The following HTT variants were observed in gnomAD, a reference collection of about 807,000 sequenced individuals.
HTT encodes the protein huntington disease protein.
A neutral mutation model predicts 362.3 loss-of-function variants in HTT; 104 were observed. The ratio of observed to expected loss-of-function variants is 0.29; its 90% CI spans 0.24 to 0.34. The LOEUF is 0.34. HTT is among the 10% of genes least tolerant of loss of function. HTT has a pLI of 1.00. For missense variants in HTT, 3,301 were observed against 3,928.6 expected (o/e 0.84, Z 4.27); for synonymous variants, 1,577 against 1,548.7 (o/e 1.02, Z -0.43).
At chr4:3,088,187 TG>T (rs1372539950) in intron 2 of HTT, among the ~76,000 whole-genome samples, 2 of 149,074 alleles carry the variant, frequency 1.3e-5, no homozygotes, top group Non-Finnish European at 3.0e-5. Context: ...TTTTCACTTT[TG>T]TTTTTTTTTT....
chr4:3,121,484 T>G (rs762373111), intron 9 of HTT, 52 bp downstream of exon 9: 3 of 1,235,608 alleles, frequency 2.4e-6, no homozygotes, highest in Non-Finnish European at 3.5e-6. Context: ...GTAATACTAG[T>G]TACACTCTAT....
At position 3,148,050 on chromosome 4, in the gene HTT, A is replaced by C. The variant is rs529839694; in HGVS notation, c.3341A>C (p.Glu1114Ala). Residue 1114 changes from glutamate (E) to alanine (A), a missense_variant, in exon 26 of 67, where the codon GAA becomes GCA. Glu to Ala is a moderately radical substitution (Grantham distance 107). Transcript: ENST00000355072. ...SLRSSWASEEEANPAATKQEE... is the reference protein window; with the variant it reads ...SLRSSWASEEAANPAATKQEE... ...AGAAGTTCATGGGCCTCTGAAGAAG[A>C]AGCCAACCCAGCAGCCACCAAGCAA... The C allele has an allele frequency of 5.3e-5, 86 of 1,614,110 alleles. No homozygotes were observed. The highest frequency in any genetic ancestry group is 8.3e-5 in the Admixed American group (5 of 60,006).
At chr4:3,192,266 G>A (rs1297583658) in intron 40 of HTT, among the ~76,000 whole-genome samples, 1 of 152,102 alleles carries the variant, frequency 6.6e-6, no homozygotes, top group African/African-American at 2.4e-5. Context: ...TTGTAGAAAT[G>A]GAAGTCTTGC....
intron 9 of HTT, 48 bp downstream of exon 9, chr4:3,121,480 C>G: frequency 1.6e-6 from 2 of 1,275,802 alleles, no homozygotes; most frequent in Non-Finnish European, 2.3e-6. Context: ...TGCAGTAATA[C>G]TAGTTACACT....
chr4:3,218,845 G>A lies in HTT; in HGVS notation c.7242+893G>A, dbSNP rs1720541625. Reference sequence around the variant, plus strand: ...CAGGAAAGAAAGGCCGACCTGGCAGGGTGTGAGCCAGCAGGTGTAGGTCAG... The same window carrying A: ...CAGGAAAGAAAGGCCGACCTGGCAGAGTGTGAGCCAGCAGGTGTAGGTCAG... On this transcript the variant is annotated intron_variant, in intron 52 of 66. Transcript: ENST00000355072. This position sits in a 1 kb window ranked among gnomAD's most constrained non-coding sequence, Gnocchi z 4.4. Among the ~76,000 whole-genome samples, 1 of 152,192 alleles carries A rather than the reference G, an allele frequency of 6.6e-6. No homozygotes were observed. Among genetic ancestry groups the A allele is most frequent in the Non-Finnish European group, 1.5e-5 (1 of 68,026 alleles).
chr4:3,149,943 G>A (rs1716796950), intron 26 of HTT, among the ~76,000 whole-genome samples: 1 of 152,186 alleles, frequency 6.6e-6, no homozygotes, highest in African/African-American at 2.4e-5. Context: ...TCTGGGCACT[G>A]CTCTGGTCCT....
At chr4:3,153,392 G>A (rs1423307941) in intron 26 of HTT, among the ~76,000 whole-genome samples, 1 of 152,136 alleles carries the variant, frequency 6.6e-6, no homozygotes, top group Non-Finnish European at 1.5e-5. Context: ...GCAGAGCTAG[G>A]ACCTCAATTC....
chr4:3,128,849 G>A (rs1354401118), intron 12 of HTT: 1 of 152,092 alleles, frequency 6.6e-6, no homozygotes, highest in Admixed American at 6.5e-5. Flanking sequence ...TTTAAATAAT[G>A]TCATGGAATC....
At chr4:3,217,987 C>T (rs374644032) in intron 52 of HTT, 35 bp downstream of exon 52, 23 of 1,552,500 alleles carry the variant, frequency 1.5e-5, no homozygotes, top group South Asian at 4.7e-5. Context: ...AGACCAAGTA[C>T]GGTGAAAGGC....
At chr4:3,176,146 G>A (rs1718233004) in intron 33 of HTT, among the ~76,000 whole-genome samples, 1 of 151,490 alleles carries the variant, frequency 6.6e-6, no homozygotes, top group African/African-American at 2.4e-5. Context: ...TCCTGCCTCA[G>A]CCTCCCGAGT....
chr4:3,240,420 G>C lies in HTT; in HGVS notation c.*361G>C, dbSNP rs1323455742. 6.0e-6 allele frequency: 2 copies of C among 331,548 alleles called. No homozygotes were observed. Among genetic ancestry groups the C allele is most frequent in the Non-Finnish European group, 1.1e-5 (2 of 174,572 alleles). 20.5% of individuals were successfully genotyped at this position (331,548 alleles called of 1,614,324 possible). A position where few individuals can be genotyped will look rare whatever the true frequency, so the allele number is the denominator to read the frequency against. ...CAGAAGTCCTCCCTCCTGCAGGCTG[G>C]CTGTTGGCCCCTCTGCTGTCCTGCA... On this transcript the variant is annotated 3_prime_UTR_variant, in exon 67 of 67. Coordinates refer to ENST00000355072, the MANE Select transcript of HTT (RefSeq NM_001388492.1).
intron 53 of HTT, among the ~76,000 whole-genome samples, chr4:3,220,883 G>A (rs1720639758): frequency 6.6e-6 from 1 of 152,180 alleles, no homozygotes; most frequent in African/African-American, 2.4e-5. Flanking sequence ...CCTCAGTTTT[G>A]TCATATGTAA....
chr4:3,124,025 T>C (rs1418984533), intron 10 of HTT, among the ~76,000 whole-genome samples: 4 of 152,222 alleles, frequency 2.6e-5, no homozygotes, highest in Non-Finnish European at 5.9e-5. Context: ...TTAACAGGAA[T>C]AGCATTCTAG....
At position 3,239,859 on chromosome 4, in the gene HTT, A is replaced by G. The variant is rs1283600580; in HGVS notation, c.9229A>G (p.Ile3077Val). The G allele has an allele frequency of 3.2e-6, 5 of 1,558,188 alleles. No homozygotes were observed. In the East Asian group the frequency reaches 7.2e-5, roughly 22 times the overall value. Residue 3077 changes from isoleucine to valine, a missense_variant, in exon 67 of 67, where the codon ATC (isoleucine) becomes GTC (valine). Physicochemically the swap from Ile to Val is conservative, Grantham distance 29. Coordinates refer to ENST00000355072, the MANE Select transcript of HTT (RefSeq NM_001388492.1). ...CTCCTGCACCAGCCTCCCACATGTC[A>G]TCAGCAGGATGGGCAAGCTGGAGCA... ...PWVAAILPHV[I>V]SRMGKLEQVD...
intron 29 of HTT, among the ~76,000 whole-genome samples, chr4:3,164,054 T>G (rs1717582189): frequency 6.6e-6 from 1 of 152,230 alleles, no homozygotes; most frequent in African/African-American, 2.4e-5. Flanking sequence ...CTTTCTCTTG[T>G]GGGCATTTAG....
rs760533924 is a variant in HTT, at chr4:3,235,271, C to A, written c.8457-13C>A. 8.2e-6 allele frequency: 13 copies of A among 1,585,122 alleles called. No individual in the cohort carries two copies. In the South Asian group the frequency reaches 9.9e-5, roughly 12 times the overall value. On this transcript the variant is annotated splice_polypyrimidine_tract_variant and intron_variant, in intron 61 of 66. Transcript: ENST00000355072. ...GGGGGTGGCTGAGCCTGGATGCTGT[C>A]TCCCGTTTTCAGCTGCGTGAACATT...
intron 33 of HTT, among the ~76,000 whole-genome samples, chr4:3,175,314 C>G (rs552217156): frequency 6.6e-6 from 1 of 152,230 alleles, no homozygotes; most frequent in African/African-American, 2.4e-5. Context: ...CCCCAGCTCC[C>G]TGGACTCAAG....
intron 23 of HTT, among the ~76,000 whole-genome samples, chr4:3,144,075 G>A (rs1461806982): frequency 6.6e-6 from 1 of 152,062 alleles, no homozygotes; most frequent in East Asian, 1.9e-4. Context: ...GTGAAAAAAG[G>A]CAGAATACAA....
chr4:3,170,276 C>T (rs946070531), intron 29 of HTT, among the ~76,000 whole-genome samples: 1 of 152,094 alleles, frequency 6.6e-6, no homozygotes, highest in Non-Finnish European at 1.5e-5. Context: ...TGGGTTGGAG[C>T]AGTGCTTAGT....
Sources: gnomAD v4.1 joint callset for allele counts (sites outside exome capture counted in the v4.1 genomes callset) on GRCh38, gnomAD v4.1.1 for gene constraint, Gnocchi (gnomAD v3.1) non-coding constraint, MANE v1.5 for transcripts, NCBI Gene and HGNC (gene_info 2026-07-23, HGNC 2026-07-21) for gene names.